Variants in PIWIL4 observed in about 807,000 individuals in gnomAD.
PIWIL4 encodes the protein piwi like RNA-mediated gene silencing 4.
PIWIL4 carries 50 observed loss-of-function variants against 100.9 expected under a neutral mutation model. The ratio of observed to expected loss-of-function variants is 0.50; its 90% CI spans 0.39 to 0.63. The LOEUF is 0.63. PIWIL4 is among the 20% of genes least tolerant of loss of function. The probability of loss-of-function intolerance (pLI) is 0.00; values close to 1 mark genes in which losing one functional copy is unlikely to be tolerated. For missense variants in PIWIL4, 887 were observed against 1,043.3 expected (o/e 0.85, Z 2.06); for synonymous variants, 342 against 367.5 (o/e 0.93, Z 0.79).
chr11:94,607,159 A>T (rs1442291109), intron 13 of PIWIL4, among the ~76,000 whole-genome samples: 1 of 152,146 alleles, frequency 6.6e-6, no homozygotes, highest in Non-Finnish European at 1.5e-5. Flanking sequence ...GAATCAAATC[A>T]GGAGAGAAAT....
chr11:94,592,278 G>C (rs532909856), intron 8 of PIWIL4, among the ~76,000 whole-genome samples: 8 of 152,312 alleles, frequency 5.3e-5, no homozygotes, highest in Admixed American at 3.9e-4. Context: ...ATCTGCAAAG[G>C]GGACAATAAT....
intron 6 of PIWIL4, 91 bp downstream of exon 6, chr11:94,585,616 TGAGA>T (rs1395102168): frequency 2.2e-5 from 19 of 882,656 alleles, no homozygotes; most frequent in South Asian, 1.6e-4. Context: ...ATGCCTCCTG[TGAGA>T]GACTCTGTGA....
At chr11:94,588,112 C>T (rs952513752) in intron 7 of PIWIL4, among the ~76,000 whole-genome samples, 2 of 152,180 alleles carry the variant, frequency 1.3e-5, no homozygotes, top group Admixed American at 6.5e-5. Context: ...TCCCTCCCCC[C>T]GACCCTATCA....
At chr11:94,619,201 G>A (rs1448573063) in intron 17 of PIWIL4, among the ~76,000 whole-genome samples, 1 of 152,182 alleles carries the variant, frequency 6.6e-6, no homozygotes, top group Non-Finnish European at 1.5e-5. Flanking sequence ...TGTAATGACA[G>A]ATATTAGGAT....
At chr11:94,601,302 C>T (rs1386439125) in intron 11 of PIWIL4, among the ~76,000 whole-genome samples, 2 of 152,032 alleles carry the variant, frequency 1.3e-5, no homozygotes, top group African/African-American at 4.8e-5. Context: ...TCAGCCAGTC[C>T]CTCCGTTTGG....
chr11:94,575,364 T>A (rs1948223457), intron 3 of PIWIL4, among the ~76,000 whole-genome samples: 1 of 152,214 alleles, frequency 6.6e-6, no homozygotes, highest in South Asian at 2.1e-4. Flanking sequence ...AAAGATTTTC[T>A]TCATATACTG....
At chr11:94,567,837 T>A (rs530951544) in intron 1 of PIWIL4, 1 of 1,129,064 alleles carries the variant, frequency 8.9e-7, no homozygotes, top group Non-Finnish European at 1.1e-6. Flanking sequence ...GACTGAAGAT[T>A]GGGGACAAAT....
intron 2 of PIWIL4, among the ~76,000 whole-genome samples, chr11:94,574,541 G>A (rs959024321): frequency 1.3e-5 from 2 of 152,150 alleles, no homozygotes; most frequent in Non-Finnish European, 2.9e-5. Flanking sequence ...TCGCCCTGTC[G>A]CCCAGGCTGG....
intron 14 of PIWIL4, 132 bp from the exon 15 acceptor site, chr11:94,608,451 A>G (rs1184245471): frequency 1.5e-6 from 1 of 684,966 alleles, no homozygotes; most frequent in Non-Finnish European, 2.5e-6. Flanking sequence ...CACGGATCTC[A>G]ATCTCCCTTA....
rs1325701803 is a variant in PIWIL4 at position 94,607,534 on chromosome 11, T to G, written c.1734T>G (p.Leu578=). ...SDCPVPSQCV[L]ARTLNKQGMM... Reference sequence around the variant, plus strand: ...GCCCAGTCCCAAGCCAATGTGTGCTTGCTCGGACCTTGAATAAACAGGGCA... The same window carrying G: ...GCCCAGTCCCAAGCCAATGTGTGCTGGCTCGGACCTTGAATAAACAGGGCA... The change falls in exon 14 of 20, where the codon CTT becomes CTG. Residue 578 remains leucine, a synonymous_variant. Transcript: ENST00000299001. The G allele has an allele frequency of 6.2e-7, 1 of 1,614,114 alleles. No individual in the cohort carries two copies. Among genetic ancestry groups the G allele is most frequent in the Admixed American group, 1.7e-5 (1 of 60,026 alleles).
At chr11:94,603,308 A>G (rs1331964055) in intron 12 of PIWIL4, among the ~76,000 whole-genome samples, 1 of 152,228 alleles carries the variant, frequency 6.6e-6, no homozygotes, top group African/African-American at 2.4e-5. Flanking sequence ...GCATTGGGAC[A>G]GTTCACTTAT....
chr11:94,580,890 C>CTTTTTTTTTTT (rs956802836), intron 4 of PIWIL4, among the ~76,000 whole-genome samples: 1 of 78,942 alleles, frequency 1.3e-5, no homozygotes, highest in Non-Finnish European at 2.3e-5. Flanking sequence ...CTCTGCCAGG[C>CTTTTTTTTTTT]TTTTTTTTTT....
chr11:94,601,664 C>T, intron 11 of PIWIL4, 131 bp from the exon 12 acceptor site: 1 of 862,500 alleles, frequency 1.2e-6, no homozygotes. Flanking sequence ...GTGCCTGCAT[C>T]TGTGTTTTAA....
At chr11:94,614,088 A>G (rs61433612) in intron 15 of PIWIL4, among the ~76,000 whole-genome samples, 9,444 of 148,616 alleles carry the variant, frequency 0.064, 582 homozygotes, top group East Asian at 0.19. Flanking sequence ...AATTGTTTCT[A>G]TCTCTATATT....
chr11:94,597,817 C>A lies in PIWIL4; in HGVS notation c.1282C>A (p.Arg428Ser). 1 of 1,612,564 alleles carries A rather than the reference C, an allele frequency of 6.2e-7. No individual in the cohort carries two copies. The highest frequency in any genetic ancestry group is 1.1e-5 in the South Asian group (1 of 90,980). Residue 428 changes from arginine to serine, a missense_variant, in exon 11 of 20, where the codon CGC (arginine) becomes AGC (serine). Arg to Ser is a moderately radical substitution (Grantham distance 110). This residue lies in a region of PIWIL4 where 741 missense variants were observed against 930.0 expected (regional missense o/e 0.80). Transcript: ENST00000299001. ...CTTTATCAACAGGAATACCAATGCT[C>A]GCTTTGAACTAGAGACCTGGGGACT... The part of the protein sequence containing the change: ...VDNIQRNTNA[R>S]FELETWGLHF...
intron 2 of PIWIL4, among the ~76,000 whole-genome samples, chr11:94,573,729 G>T (rs1327906596): frequency 6.6e-6 from 1 of 152,010 alleles, no homozygotes; most frequent in African/African-American, 2.4e-5. Flanking sequence ...AGGGAAAATT[G>T]GAGTTTTATT....
chr11:94,588,862 A>C (rs566870232), intron 7 of PIWIL4, among the ~76,000 whole-genome samples: 2 of 152,338 alleles, frequency 1.3e-5, no homozygotes, highest in African/African-American at 4.8e-5. Flanking sequence ...TCAGTGAGAA[A>C]ACTAGACTGT....
At chr11:94,619,192 G>T (rs1948878573) in intron 17 of PIWIL4, among the ~76,000 whole-genome samples, 1 of 152,166 alleles carries the variant, frequency 6.6e-6, no homozygotes, top group South Asian at 2.1e-4. Flanking sequence ...GATGCCTTTT[G>T]TAATGACAGA....
chr11:94,589,565 A>T (rs867317074), intron 8 of PIWIL4, among the ~76,000 whole-genome samples: 4 of 152,122 alleles, frequency 2.6e-5, no homozygotes, highest in Non-Finnish European at 4.4e-5. Context: ...TGATGTGGCC[A>T]ATTCCTGCCT....
Sources: allele counts gnomAD v4.1 joint callset (sites outside exome capture counted in the v4.1 genomes callset), GRCh38; gene constraint gnomAD v4.1.1; regional missense constraint gnomAD v4.1.1; transcripts MANE v1.5; gene names NCBI Gene and HGNC (gene_info 2026-07-23, HGNC 2026-07-21).